Variants in PTPN14 observed in about 807,000 individuals in gnomAD.
PTPN14 encodes tyrosine-protein phosphatase non-receptor type 14.
Under a neutral mutation model 126.8 loss-of-function variants are expected in PTPN14, and 53 were observed. The observed-to-expected ratio is 0.42, with a 90% confidence interval of 0.34 to 0.53. PTPN14 has a LOEUF of 0.53. Ranked by LOEUF, PTPN14 falls within the 20% of genes least tolerant of loss-of-function variation. The pLI, the probability that PTPN14 is intolerant of heterozygous loss-of-function variation, is 0.08. For synonymous variants in PTPN14, 630 were observed against 599.3 expected (o/e 1.05, Z -0.75); for missense variants, 1,257 against 1,552.9 (o/e 0.81, Z 3.20).
At chr1:214,490,449 A>G (rs1015570794) in intron 1 of PTPN14, among the ~76,000 whole-genome samples, 2 of 152,208 alleles carry the variant, frequency 1.3e-5, no homozygotes, top group Admixed American at 6.5e-5. Flanking sequence ...TCAACAAAGC[A>G]TCTTTGGCTA....
chr1:214,411,790 AT>A (rs747106204), intron 4 of PTPN14, 39 bp from the exon 5 acceptor site: 1 of 1,343,978 alleles, frequency 7.4e-7, no homozygotes, highest in South Asian at 1.3e-5. Flanking sequence ...TATTTATTAT[AT>A]GAAATTAAAG....
chr1:214,440,907 G>A (rs1660024271), intron 3 of PTPN14, among the ~76,000 whole-genome samples: 1 of 152,136 alleles, frequency 6.6e-6, no homozygotes, highest in African/African-American at 2.4e-5. Context: ...AATGATCCTG[G>A]TGAAACAAAA....
intron 3 of PTPN14, among the ~76,000 whole-genome samples, chr1:214,447,470 C>G (rs1572005689): frequency 6.6e-6 from 1 of 152,302 alleles, no homozygotes; most frequent in Non-Finnish European, 1.5e-5. Context: ...TACGGCATGT[C>G]TTGCTGAATC....
chr1:214,402,395 G>A (rs888223859), intron 6 of PTPN14, among the ~76,000 whole-genome samples: 4 of 123,734 alleles, frequency 3.2e-5, no homozygotes, highest in Admixed American at 2.0e-4. Context: ...GACCGAGATC[G>A]CACCACTGCA....
chr1:214,375,075 G>A (rs1474981164), intron 15 of PTPN14, among the ~76,000 whole-genome samples: 1 of 152,050 alleles, frequency 6.6e-6, no homozygotes, highest in Non-Finnish European at 1.5e-5. Flanking sequence ...GTTAAAATTA[G>A]TAATATGATC....
chr1:214,392,852 C>T (rs1374532647), intron 10 of PTPN14, among the ~76,000 whole-genome samples: 1 of 152,192 alleles, frequency 6.6e-6, no homozygotes, highest in Non-Finnish European at 1.5e-5. Flanking sequence ...AAAGCAGCCG[C>T]GTTCTTCAGC....
intron 3 of PTPN14, among the ~76,000 whole-genome samples, chr1:214,426,374 G>A (rs1435180043): frequency 6.6e-6 from 1 of 152,140 alleles, no homozygotes; most frequent in East Asian, 1.9e-4. Context: ...GATTAAAGGA[G>A]GAGATACTTC....
At chr1:214,402,984 T>G in intron 5 of PTPN14, 31 bp from the exon 6 acceptor site, 4 of 1,606,238 alleles carry the variant, frequency 2.5e-6, no homozygotes, top group Non-Finnish European at 3.4e-6. Flanking sequence ...TAAGGTCACA[T>G]GAGGGTGTGG....
chr1:214,448,544 C>A (rs1454416262), intron 3 of PTPN14, among the ~76,000 whole-genome samples: 1 of 152,004 alleles, frequency 6.6e-6, no homozygotes, highest in Non-Finnish European at 1.5e-5. Context: ...GTGTGTCAGA[C>A]ACTGCCCGGC....
In PTPN14 at chr1:214,383,883, G is replaced by C. The variant is rs1658537615; in HGVS notation, c.1972C>G (p.Leu658Val). ...SMVRGMEAMTLKSLHLPMARR... is the reference protein window; with the variant it reads ...SMVRGMEAMTVKSLHLPMARR... Reference sequence around the variant, plus strand: ...GCCATGGGGAGGTGGAGCGACTTGAGCGTCATGGCCTCCATGCCCCGCACC... The same window carrying C: ...GCCATGGGGAGGTGGAGCGACTTGACCGTCATGGCCTCCATGCCCCGCACC... Residue 658 changes from leucine (L) to valine (V), a missense_variant, in exon 13 of 19, where the codon CTC becomes GTC. Leu to Val is a conservative substitution (Grantham distance 32). Transcript: ENST00000366956. This position sits in a 1 kb window ranked among gnomAD's most constrained non-coding sequence, Gnocchi z 4.4. 1 of 1,613,238 alleles carries C rather than the reference G, an allele frequency of 6.2e-7. No individual in the cohort carries two copies. Among genetic ancestry groups the C allele is most frequent in the Non-Finnish European group, 8.5e-7 (1 of 1,179,998 alleles).
chr1:214,437,088 AAAT>A (rs1177003033), intron 3 of PTPN14, among the ~76,000 whole-genome samples: 2 of 152,134 alleles, frequency 1.3e-5, no homozygotes, highest in Non-Finnish European at 2.9e-5. Context: ...CCAGTGCCAG[AAAT>A]AATATTTTTT....
chr1:214,451,138 A>G (rs940923659), intron 3 of PTPN14, among the ~76,000 whole-genome samples: 8 of 145,514 alleles, frequency 5.5e-5, no homozygotes, highest in African/African-American at 1.8e-4. Flanking sequence ...AAACAGAATT[A>G]GGTTTTTGTT....
chr1:214,458,341 T>C (rs1362474452), intron 2 of PTPN14, among the ~76,000 whole-genome samples: 1 of 152,144 alleles, frequency 6.6e-6, no homozygotes, highest in Non-Finnish European at 1.5e-5. Flanking sequence ...CTACCAGGCC[T>C]GGCCCCAGTT....
At chr1:214,412,069 G>A (rs906145941) in intron 4 of PTPN14, among the ~76,000 whole-genome samples, 1 of 152,138 alleles carries the variant, frequency 6.6e-6, no homozygotes, top group Non-Finnish European at 1.5e-5. Context: ...CATATCTTAA[G>A]AATATCTGCC....
chr1:214,454,363 G>A (rs1295732878), intron 2 of PTPN14, among the ~76,000 whole-genome samples: 4 of 152,080 alleles, frequency 2.6e-5, no homozygotes, highest in African/African-American at 9.7e-5. Flanking sequence ...TTCTACAATC[G>A]ATTTTAAAAA....
chr1:214,398,108 G>A (rs1658929010), intron 7 of PTPN14, 107 bp from the exon 8 acceptor site: 2 of 857,322 alleles, frequency 2.3e-6, no homozygotes, highest in Admixed American at 4.3e-5. Flanking sequence ...ACAGATGAAT[G>A]GATAAAGAAA....
intron 3 of PTPN14, among the ~76,000 whole-genome samples, chr1:214,440,453 GC>G (rs890918966): frequency 1.3e-5 from 2 of 152,182 alleles, no homozygotes; most frequent in Non-Finnish European, 2.9e-5. Context: ...GATATTGTGA[GC>G]AATAAAGAGA....
At chr1:214,411,772 A>T in intron 4 of PTPN14, 21 bp from the exon 5 acceptor site, 1 of 1,452,856 alleles carries the variant, frequency 6.9e-7, no homozygotes, top group South Asian at 1.2e-5. Context: ...AAGAAGATGG[A>T]AGGGCAGTAT....
At chr1:214,471,364 G>A (rs1660755740) in intron 1 of PTPN14, among the ~76,000 whole-genome samples, 1 of 152,106 alleles carries the variant, frequency 6.6e-6, no homozygotes, top group African/African-American at 2.4e-5. Flanking sequence ...AACCAGAGAG[G>A]GGCAGAATGA....
Sources: gnomAD v4.1 joint callset for allele counts (sites outside exome capture counted in the v4.1 genomes callset) on GRCh38, gnomAD v4.1.1 for gene constraint, Gnocchi (gnomAD v3.1) non-coding constraint, MANE v1.5 for transcripts, NCBI Gene and HGNC (gene_info 2026-07-23, HGNC 2026-07-21) for gene names.